SREK1: variants seen among roughly 807,000 people sequenced by gnomAD.
The protein encoded by SREK1 is splicing regulatory glutamic acid and lysine rich protein 1.
In SREK1, 13 loss-of-function variants were observed where a neutral mutation model predicts 66.5. The observed-to-expected ratio is 0.20, with a 90% confidence interval of 0.13 to 0.31. The LOEUF (loss-of-function observed/expected upper bound fraction) is 0.31, where lower values mean the gene tolerates loss of function less well. Among genes scored for constraint, SREK1 ranks in the 10% least tolerant of loss-of-function variants. SREK1 has a pLI of 1.00. For missense variants in SREK1, 607 were observed against 769.6 expected (o/e 0.79, Z 2.50); for synonymous variants, 265 against 263.5 (o/e 1.01, Z -0.05).
intron 7 of SREK1, chr5:66,168,260 C>G (rs1291495660): frequency 7.2e-5 from 11 of 152,182 alleles, no homozygotes; most frequent in African/African-American, 2.6e-4. Flanking sequence ...AGAATTTTGA[C>G]TAACTGAAAA....
At chr5:66,152,774 A>G (rs1488059759) in intron 1 of SREK1, among the ~76,000 whole-genome samples, 1 of 152,204 alleles carries the variant, frequency 6.6e-6, no homozygotes, top group African/African-American at 2.4e-5. Context: ...TGAGGATAGT[A>G]TATTTTCGAA....
At chr5:66,177,426 A>T in intron 10 of SREK1, 88 bp from the exon 11 acceptor site, 1 of 1,074,394 alleles carries the variant, frequency 9.3e-7, no homozygotes, top group East Asian at 2.8e-5. Context: ...TATTTTAGAT[A>T]TCCAGTGTTA....
chr5:66,159,241 A>T lies in SREK1; in HGVS notation c.318A>T (p.Lys106Asn). Residue 106 changes from lysine (K) to asparagine (N), a missense_variant, in exon 3 of 12, where the codon AAA becomes AAT. By Grantham distance (94) the Lys-to-Asn change is moderately conservative. Coordinates refer to ENST00000334121, the MANE Select transcript of SREK1 (RefSeq NM_001077199.3). ...CAGGTAAAATCCCAGAGGAATCCAA[A>T]GCCCTCTCTTTATTGGCTCCTGCTC... ...CAEGKIPEES[K>N]ALSLLAPAPT... 1 of 1,612,778 alleles carries T rather than the reference A, an allele frequency of 6.2e-7. No homozygotes were observed. The highest frequency in any genetic ancestry group is 8.5e-7 in the Non-Finnish European group (1 of 1,179,518).
intron 6 of SREK1, 45 bp downstream of exon 6, chr5:66,163,967 A>G (rs773020772): frequency 2.8e-5 from 45 of 1,588,026 alleles, no homozygotes; most frequent in Non-Finnish European, 3.8e-5. Flanking sequence ...TAAAGATCAT[A>G]GACTCTTAGA....
intron 2 of SREK1, among the ~76,000 whole-genome samples, chr5:66,155,212 C>T (rs1744181246): frequency 6.6e-6 from 1 of 152,116 alleles, no homozygotes; most frequent in South Asian, 2.1e-4. Context: ...AATAAATGCA[C>T]AGTCAGATGT....
At position 66,144,406 on chromosome 5, in the gene SREK1, C is replaced by T; in HGVS notation, c.30C>T (p.Gly10=). The stretch of plus-strand genomic sequence containing the variant: ...ACAGCGGCGGCGGCTTCGGTTTGGG[C>T]TTAGGCTTCGGCCTCACCCCCACGT... The part of the protein sequence containing the change: MNSGGGFGL[G]LGFGLTPTSV... Residue 10 remains glycine, a synonymous_variant, in exon 1 of 12, where the codon GGC becomes GGT. Transcript: ENST00000334121. 3 of 1,550,928 alleles carry T rather than the reference C, an allele frequency of 1.9e-6. No individual in the cohort carries two copies. Among genetic ancestry groups the T allele is most frequent in the Non-Finnish European group, 2.6e-6 (3 of 1,146,674 alleles).
chr5:66,159,879 C>T (rs1366857267), intron 3 of SREK1, among the ~76,000 whole-genome samples: 1 of 152,118 alleles, frequency 6.6e-6, no homozygotes, highest in African/African-American at 2.4e-5. Flanking sequence ...GCCTGTAATC[C>T]CAGCACTTTG....
rs115134824 is a variant in SREK1 at position 66,144,317 on chromosome 5, C to G, written c.-60C>G. On this transcript the variant is annotated 5_prime_UTR_variant, in exon 1 of 12. Transcript: ENST00000334121. ...GGCCGCGCGTTCTCCGCTTTCCCGG[C>G]TCCGTCGCTGACGCGTCGTAGACGT... 1 of 1,363,842 alleles carries G rather than the reference C, an allele frequency of 7.3e-7. No individual in the cohort carries two copies. Among genetic ancestry groups the G allele is most frequent in the African/African-American group, 1.5e-5 (1 of 67,034 alleles). The allele number at this position is 1,363,842 out of a possible 1,614,324, so 84.5% of individuals were successfully genotyped here.
intron 1 of SREK1, 175 bp downstream of exon 1, chr5:66,144,712 A>T: frequency 7.6e-7 from 1 of 1,312,358 alleles, no homozygotes; most frequent in Non-Finnish European, 1.0e-6. Flanking sequence ...TGCTCTCCTT[A>T]GTCGGATTTG....
At position 66,144,367 on chromosome 5, in the gene SREK1, C is replaced by G; in HGVS notation, c.-10C>G. On this transcript the variant is annotated 5_prime_UTR_variant, in exon 1 of 12. Coordinates refer to ENST00000334121, the MANE Select transcript of SREK1 (RefSeq NM_001077199.3). ...TTGGGGAGCGGGAAGGCAACGGCAG[C>G]GGGATCGGGATGAACAGCGGCGGCG... is the stretch of plus-strand genomic sequence containing the variant. The G allele has an allele frequency of 1.3e-6, 2 of 1,530,144 alleles. No individual in the cohort carries two copies. The highest frequency in any genetic ancestry group is 1.8e-6 in the Non-Finnish European group (2 of 1,131,738). 94.8% of individuals were successfully genotyped at this position (1,530,144 alleles called of 1,614,324 possible). A position where few individuals can be genotyped will look rare whatever the true frequency, so the allele number is the denominator to read the frequency against.
At chr5:66,168,407 G>A (rs1380948668) in intron 7 of SREK1, 1 of 152,016 alleles carries the variant, frequency 6.6e-6, no homozygotes, top group Non-Finnish European at 1.5e-5. Flanking sequence ...GTGTTGCCCA[G>A]GCTGGAGTGC....
At chr5:66,151,179 A>G (rs1481849522) in intron 1 of SREK1, among the ~76,000 whole-genome samples, 2 of 152,122 alleles carry the variant, frequency 1.3e-5, no homozygotes, top group Admixed American at 6.6e-5. Flanking sequence ...GGGGGTGGGA[A>G]CTTTACTCAT....
intron 10 of SREK1, 179 bp from the exon 11 acceptor site, chr5:66,177,335 A>G: frequency 2.1e-6 from 1 of 473,220 alleles, no homozygotes. Context: ...AACTGGGGTA[A>G]GGGTGGGGTA....
rs1272908593 is a variant in SREK1 at position 66,179,999 on chromosome 5, CAT to C, written c.*1132_*1133del. On this transcript the variant is annotated 3_prime_UTR_variant, in exon 12 of 12. Transcript: ENST00000334121. Reference sequence around the variant, plus strand: ...TATACTGTGATAATTGAAAATGAAACATGTTCTTATTTTCCTTAAATTGAAGA... The same window carrying C: ...TATACTGTGATAATTGAAAATGAAACGTTCTTATTTTCCTTAAATTGAAGA... 6.6e-6 allele frequency: 1 copy of C among 152,518 alleles called. No individual in the cohort carries two copies. The highest frequency in any genetic ancestry group is 1.5e-5 in the Non-Finnish European group (1 of 67,980). The allele number at this position is 152,518 out of a possible 1,614,324, so 9.4% of individuals were successfully genotyped here. A position where few individuals can be genotyped will look rare whatever the true frequency, so the allele number is the denominator to read the frequency against.
intron 1 of SREK1, among the ~76,000 whole-genome samples, chr5:66,149,227 C>T (rs1407451273): frequency 2.0e-5 from 3 of 152,040 alleles, no homozygotes; most frequent in African/African-American, 4.8e-5. Context: ...GTGGTGTGCA[C>T]CTGTTATCCC....
At chr5:66,158,866 A>G (rs1744502911) in intron 2 of SREK1, 1 of 1,292,858 alleles carries the variant, frequency 7.7e-7, no homozygotes, top group Non-Finnish European at 1.0e-6. Context: ...CACCGCGAAA[A>G]CACCGTCCTG....
At position 66,179,080 on chromosome 5, in the gene SREK1, A is replaced by G. The variant is rs1003168017; in HGVS notation, c.*212A>G. The G allele has an allele frequency of 2.8e-5, 11 of 392,414 alleles. No individual in the cohort carries two copies. Among genetic ancestry groups the G allele is most frequent in the Middle Eastern group, 7.3e-4 (1 of 1,372 alleles). The allele number at this position is 392,414 out of a possible 1,614,324, so 24.3% of individuals were successfully genotyped here. On this transcript the variant is annotated 3_prime_UTR_variant, in exon 12 of 12. Transcript: ENST00000334121. ...AAAATAACAGATGTTACCCAAACTC[A>G]TCTTCTAAAATCTGTGCATTTCCAT... is the stretch of plus-strand genomic sequence containing the variant.
intron 9 of SREK1, among the ~76,000 whole-genome samples, chr5:66,173,389 CTA>C (rs1227049991): frequency 1.3e-5 from 2 of 152,144 alleles, no homozygotes; most frequent in African/African-American, 4.8e-5. Context: ...GTGTCACACT[CTA>C]TGCTTTGCAC....
rs1746661567 is a variant in SREK1 at position 66,183,475 on chromosome 5, TGG to T, written c.*4608_*4609del. On this transcript the variant is annotated 3_prime_UTR_variant, in exon 12 of 12. Coordinates refer to ENST00000334121, the MANE Select transcript of SREK1 (RefSeq NM_001077199.3). ...GTGTTAGATTATCAAGGGAAGAGTTTGGAATGTAAACATAAACATGCTGCATA... is the reference window on the plus strand; with the variant it reads ...GTGTTAGATTATCAAGGGAAGAGTTTAATGTAAACATAAACATGCTGCATA... 3 of 152,302 alleles carry T rather than the reference TGG, an allele frequency of 2.0e-5. No homozygotes were observed. Among genetic ancestry groups the T allele is most frequent in the African/African-American group, 7.2e-5 (3 of 41,564 alleles). The allele number at this position is 152,302 out of a possible 1,614,324, so 9.4% of individuals were successfully genotyped here. A position where few individuals can be genotyped will look rare whatever the true frequency, so the allele number is the denominator to read the frequency against.
Sources: allele counts gnomAD v4.1 joint callset (sites outside exome capture counted in the v4.1 genomes callset), GRCh38; gene constraint gnomAD v4.1.1; transcripts MANE v1.5; gene names NCBI Gene and HGNC (gene_info 2026-07-23, HGNC 2026-07-21).